The following BAZ2B variants were observed in gnomAD, a reference collection of about 807,000 sequenced individuals.
BAZ2B encodes the protein bromodomain adjacent to zinc finger domain 2B.
Under a neutral mutation model 246.0 loss-of-function variants are expected in BAZ2B, and 91 were observed. The observed-to-expected ratio is 0.37, with a 90% CI of 0.31 to 0.44. The LOEUF (loss-of-function observed/expected upper bound fraction) is 0.44. Among genes scored for constraint, BAZ2B ranks in the 20% least tolerant of loss-of-function variants. BAZ2B has a pLI of 1.00. For synonymous variants in BAZ2B, 855 were observed against 860.0 expected, an observed-to-expected ratio of 0.99 and a Z score of 0.10; for missense variants, 2,332 against 2,533.7, an observed-to-expected ratio of 0.92 and a Z score of 1.71.
At chr2:159,580,975 C>T (rs951505460) in intron 1 of BAZ2B, among the ~76,000 whole-genome samples, 1 of 152,104 alleles carries the variant, frequency 6.6e-6, no homozygotes, top group Non-Finnish European at 1.5e-5. Flanking sequence ...TAGAAGAAAA[C>T]CTAGACAATA....
the BAZ2B span, among the ~76,000 whole-genome samples, chr2:159,639,631 TG>T: frequency 6.6e-6 from 1 of 152,124 alleles, no homozygotes; most frequent in African/African-American, 2.4e-5. Context: ...TTTAAAATAG[TG>T]GGTTATAAGG....
the BAZ2B span, among the ~76,000 whole-genome samples, chr2:159,663,072 T>C: frequency 6.6e-6 from 1 of 152,204 alleles, no homozygotes. Context: ...TTATTAAATG[T>C]ATGATTTGCA....
At chr2:159,334,357 G>A (rs2065264104) in intron 33 of BAZ2B, among the ~76,000 whole-genome samples, 1 of 152,122 alleles carries the variant, frequency 6.6e-6, no homozygotes, top group Non-Finnish European at 1.5e-5. Flanking sequence ...AGTGGATGCT[G>A]CCTACTGTTT....
chr2:159,334,248 C>T (rs2065249182), intron 33 of BAZ2B, among the ~76,000 whole-genome samples: 1 of 152,128 alleles, frequency 6.6e-6, no homozygotes, highest in Non-Finnish European at 1.5e-5. Context: ...AGATATCAAA[C>T]TCATAACAAT....
chr2:159,359,373 C>T lies in BAZ2B; in HGVS notation c.4214-9016G>A, dbSNP rs566501168. Among the ~76,000 whole-genome samples the T allele has an allele frequency of 3.9e-5, 6 of 152,216 alleles. No individual in the cohort carries two copies. The South Asian group carries it at 6.2e-4, about 16-fold the overall frequency. On this transcript the variant is annotated intron_variant, in intron 27 of 36. Coordinates refer to ENST00000392783, the MANE Select transcript of BAZ2B (RefSeq NM_013450.4). ...AAATCTGGAAGAAATGGATAAATTC[C>T]GGGACACACACACCCTCCCAAGACT...
the BAZ2B span, among the ~76,000 whole-genome samples, chr2:159,633,853 C>G: frequency 1.3e-4 from 19 of 151,446 alleles, no homozygotes; most frequent in South Asian, 3.8e-3. Context: ...AATTCTCATG[C>G]CTCAGCCTCC....
chr2:159,580,857 T>C (rs536710912), intron 1 of BAZ2B, among the ~76,000 whole-genome samples: 124 of 152,294 alleles, frequency 8.1e-4, no homozygotes, highest in Admixed American at 1.4e-3. Flanking sequence ...GAAAACTGGC[T>C]AGCCATATGT....
chr2:159,423,462 T>A (rs2069164279), intron 13 of BAZ2B, among the ~76,000 whole-genome samples: 1 of 152,140 alleles, frequency 6.6e-6, no homozygotes, highest in Non-Finnish European at 1.5e-5. Context: ...AATGTGGAGA[T>A]TCCTCAAAGA....
At chr2:159,556,249 T>TC (rs1479550547) in intron 1 of BAZ2B, among the ~76,000 whole-genome samples, 1 of 152,230 alleles carries the variant, frequency 6.6e-6, no homozygotes, top group East Asian at 1.9e-4. Context: ...GTATTATTTA[T>TC]AAATACTTTT....
the BAZ2B span, among the ~76,000 whole-genome samples, chr2:159,646,671 G>A: frequency 6.6e-6 from 1 of 152,072 alleles, no homozygotes; most frequent in Non-Finnish European, 1.5e-5. Context: ...TTCTGCCATG[G>A]CTTCAGCTGG....
intron 2 of BAZ2B, among the ~76,000 whole-genome samples, chr2:159,538,704 T>G (rs1370046630): frequency 1.3e-5 from 2 of 152,180 alleles, no homozygotes; most frequent in Non-Finnish European, 2.9e-5. Flanking sequence ...ATAAATCAAT[T>G]CCTTTGTTTA....
chr2:159,621,922 T>C, the BAZ2B span, among the ~76,000 whole-genome samples: 7 of 151,944 alleles, frequency 4.6e-5, no homozygotes, highest in African/African-American at 1.5e-4. Flanking sequence ...CCTGACAACA[T>C]GGAGAAACCC....
chr2:159,646,226 A>C, the BAZ2B span, among the ~76,000 whole-genome samples: 1 of 152,100 alleles, frequency 6.6e-6, no homozygotes, highest in South Asian at 2.1e-4. Context: ...TGAGAAAAAG[A>C]ATTCTGTGAT....
chr2:159,494,454 G>A (rs1197148979), intron 2 of BAZ2B, among the ~76,000 whole-genome samples: 1 of 151,966 alleles, frequency 6.6e-6, no homozygotes, highest in Non-Finnish European at 1.5e-5. Flanking sequence ...ATACATATAA[G>A]TACATTTATA....
intron 2 of BAZ2B, among the ~76,000 whole-genome samples, chr2:159,524,390 G>A (rs1262976468): frequency 6.6e-6 from 1 of 152,070 alleles, no homozygotes; most frequent in African/African-American, 2.4e-5. Flanking sequence ...GGAAGTCAAG[G>A]CTGCAGTGAG....
chr2:159,539,165 T>C (rs1425860289), intron 2 of BAZ2B, among the ~76,000 whole-genome samples: 1 of 152,238 alleles, frequency 6.6e-6, no homozygotes, highest in Admixed American at 6.5e-5. Flanking sequence ...ACCTCTACTG[T>C]GCCATCTACC....
intron 2 of BAZ2B, among the ~76,000 whole-genome samples, chr2:159,536,550 C>T (rs13405427): frequency 0.031 from 4,746 of 152,156 alleles, 245 homozygotes; most frequent in African/African-American, 0.11. Context: ...CTGTGTCACA[C>T]GGAGATAGCT....
At chr2:159,706,062 C>T in the BAZ2B span, among the ~76,000 whole-genome samples, 1 of 131,554 alleles carries the variant, frequency 7.6e-6, no homozygotes. Flanking sequence ...CCATCAATAC[C>T]AGTATTTCTG....
At chr2:159,600,006 A>G (rs533544954) in intron 1 of BAZ2B, among the ~76,000 whole-genome samples, 2 of 152,156 alleles carry the variant, frequency 1.3e-5, no homozygotes, top group East Asian at 1.9e-4. Context: ...GGGGTACTAT[A>G]GTAGGTAAAA....
Sources: allele counts gnomAD v4.1 joint callset (sites outside exome capture counted in the v4.1 genomes callset), GRCh38; gene constraint gnomAD v4.1.1; transcripts MANE v1.5; gene names NCBI Gene and HGNC (gene_info 2026-07-23, HGNC 2026-07-21).